The following CCDC102B variants were observed in gnomAD, a reference collection of about 807,000 sequenced individuals.
CCDC102B encodes the protein coiled-coil domain containing 102B, also known as coiled-coil domain-containing protein 102B.
In CCDC102B, 75 loss-of-function variants were observed where a neutral mutation model predicts 57.4. That is an observed-to-expected ratio of 1.31 (90% CI 1.08 to 1.58). CCDC102B has a LOEUF of 1.58. Among genes scored for constraint, CCDC102B ranks in the 40% most tolerant of loss-of-function variants. The probability of loss-of-function intolerance (pLI) is 0.00; values close to 1 mark genes in which losing one functional copy is unlikely to be tolerated. For synonymous variants in CCDC102B, 206 were observed against 201.9 expected, an observed-to-expected ratio of 1.02 and a Z score of -0.17; for missense variants, 636 against 582.6, an observed-to-expected ratio of 1.09 and a Z score of -0.94.
intron 7 of CCDC102B, among the ~76,000 whole-genome samples, chr18:69,046,561 A>T (rs1383556125): frequency 1.3e-5 from 2 of 152,006 alleles, no homozygotes; most frequent in Non-Finnish European, 2.9e-5. Context: ...TACCCTTATG[A>T]TACTTTATTT....
At chr18:68,775,027 T>C (rs537820062) in intron 2 of CCDC102B, among the ~76,000 whole-genome samples, 1 of 151,032 alleles carries the variant, frequency 6.6e-6, no homozygotes, top group East Asian at 1.9e-4. Context: ...TCTTCTTTTC[T>C]GTTTTTTTTT....
At chr18:68,905,780 C>A in intron 6 of CCDC102B, among the ~76,000 whole-genome samples, 1 of 119,446 alleles carries the variant, frequency 8.4e-6, no homozygotes, top group Non-Finnish European at 1.7e-5. Context: ...TCTTTTATGT[C>A]TGGCTTTTTT....
chr18:68,804,103 T>C (rs1369422308), intron 1 of CCDC102B, among the ~76,000 whole-genome samples: 2 of 152,190 alleles, frequency 1.3e-5, no homozygotes, highest in African/African-American at 4.8e-5. Flanking sequence ...GATGGAGTTT[T>C]TGTAATTCTG....
At chr18:68,988,092 C>T (rs193230552) in intron 6 of CCDC102B, among the ~76,000 whole-genome samples, 64 of 152,058 alleles carry the variant, frequency 4.2e-4, no homozygotes, top group African/African-American at 1.5e-3. Context: ...GACACAGGCA[C>T]GCATATGTTC....
chr18:69,036,036 T>C (rs2052282302), intron 7 of CCDC102B, among the ~76,000 whole-genome samples: 1 of 152,102 alleles, frequency 6.6e-6, no homozygotes, highest in African/African-American at 2.4e-5. Context: ...TCAAGTTCCA[T>C]GGCAGGAGTT....
intron 6 of CCDC102B, among the ~76,000 whole-genome samples, chr18:68,955,821 G>A (rs999151617): frequency 6.6e-6 from 1 of 151,914 alleles, no homozygotes; most frequent in Non-Finnish European, 1.5e-5. Flanking sequence ...GGGTATGTGA[G>A]ATATTTTGAT....
intron 5 of CCDC102B, among the ~76,000 whole-genome samples, chr18:68,888,428 G>A (rs1356366558): frequency 3.9e-5 from 6 of 152,050 alleles, no homozygotes; most frequent in African/African-American, 9.7e-5. Context: ...GTTCTTCTAC[G>A]TTCTGTATTT....
chr18:68,722,126 G>A (rs184712679), intron 2 of CCDC102B, among the ~76,000 whole-genome samples: 7 of 152,296 alleles, frequency 4.6e-5, no homozygotes, highest in Admixed American at 6.5e-5. Flanking sequence ...TTTTAGATCC[G>A]TAGTATTGTC....
At chr18:68,842,476 A>G (rs1420231122) in intron 3 of CCDC102B, among the ~76,000 whole-genome samples, 1 of 152,194 alleles carries the variant, frequency 6.6e-6, no homozygotes, top group Non-Finnish European at 1.5e-5. Flanking sequence ...TAAAAATGCC[A>G]GTAAGTCTCT....
intron 6 of CCDC102B, chr18:68,902,211 A>C (rs1439708743): frequency 6.6e-6 from 1 of 152,164 alleles, no homozygotes; most frequent in South Asian, 2.1e-4. Context: ...GAATTACTTC[A>C]TGCTTTCTTC....
chr18:68,950,285 A>T (rs1390157951), intron 6 of CCDC102B, among the ~76,000 whole-genome samples: 2 of 151,636 alleles, frequency 1.3e-5, no homozygotes, highest in African/African-American at 4.9e-5. Context: ...ATGTGTAGAC[A>T]GTAGTATATT....
intron 2 of CCDC102B, among the ~76,000 whole-genome samples, chr18:68,767,553 C>T (rs777858925): frequency 6.6e-5 from 10 of 152,218 alleles, no homozygotes; most frequent in South Asian, 2.1e-4. Context: ...CTGATGAAAA[C>T]GCTTGTAGAT....
intron 6 of CCDC102B, among the ~76,000 whole-genome samples, chr18:68,955,850 A>G (rs1011000392): frequency 3.3e-5 from 5 of 152,064 alleles, no homozygotes; most frequent in African/African-American, 9.7e-5. Context: ...AATGTGTAGT[A>G]ATCACATCAG....
chr18:68,927,898 G>A (rs1457381752), intron 6 of CCDC102B, among the ~76,000 whole-genome samples: 1 of 151,870 alleles, frequency 6.6e-6, no homozygotes, highest in East Asian at 1.9e-4. Context: ...TTTACAGGGA[G>A]TGTTTGTTTT....
intron 6 of CCDC102B, among the ~76,000 whole-genome samples, chr18:68,979,560 G>A (rs1037033994): frequency 3.9e-5 from 6 of 151,984 alleles, no homozygotes; most frequent in Non-Finnish European, 8.8e-5. Context: ...TTCTTTGTTG[G>A]GAGAAGGCTG....
At chr18:68,981,852 G>A (rs1224235322) in intron 6 of CCDC102B, among the ~76,000 whole-genome samples, 1 of 151,954 alleles carries the variant, frequency 6.6e-6, no homozygotes, top group Non-Finnish European at 1.5e-5. Flanking sequence ...TGGGTTTTCT[G>A]TCCTTGAGAT....
chr18:68,887,665 T>G (rs1251373256), intron 5 of CCDC102B, among the ~76,000 whole-genome samples: 1 of 152,248 alleles, frequency 6.6e-6, no homozygotes, highest in Non-Finnish European at 1.5e-5. Flanking sequence ...AGGCCACAGA[T>G]GTGAATCTTC....
chr18:69,054,566 A>G lies in CCDC102B; in HGVS notation c.*429A>G, dbSNP rs189326060. ...GTAAACTTTTATGTACGTGTTGTCTATGTGGTGGGGATGGCAGGTTGTATT... is the reference window on the plus strand; with the variant it reads ...GTAAACTTTTATGTACGTGTTGTCTGTGTGGTGGGGATGGCAGGTTGTATT... On this transcript the variant is annotated 3_prime_UTR_variant, in exon 8 of 8. Coordinates refer to ENST00000360242, the MANE Select transcript of CCDC102B (RefSeq NM_024781.3). The G allele has an allele frequency of 7.3e-4, 725 of 987,804 alleles. 4 individuals are homozygous for G. The African/African-American group carries it at 8.8e-3, about 12-fold the overall frequency. 61.2% of individuals were successfully genotyped at this position (987,804 alleles called of 1,614,324 possible).
At chr18:68,987,548 T>C (rs539101523) in intron 6 of CCDC102B, among the ~76,000 whole-genome samples, 20 of 152,020 alleles carry the variant, frequency 1.3e-4, no homozygotes, top group Admixed American at 3.3e-4. Context: ...AAACAAAAAT[T>C]GACAGTGGGA....
Sources: allele counts gnomAD v4.1 joint callset (sites outside exome capture counted in the v4.1 genomes callset), GRCh38; gene constraint gnomAD v4.1.1; transcripts MANE v1.5; gene names NCBI Gene and HGNC (gene_info 2026-07-23, HGNC 2026-07-21).